The following ITFG1 variants were observed in gnomAD, a reference collection of about 807,000 sequenced individuals.
The protein encoded by ITFG1 is T-cell immunomodulatory protein.
Under a neutral mutation model 81.8 loss-of-function variants are expected in ITFG1, and 34 were observed. The ratio of observed to expected loss-of-function variants is 0.42; its 90% CI spans 0.32 to 0.55. The LOEUF (loss-of-function observed/expected upper bound fraction) is 0.55, where lower values mean the gene tolerates loss of function less well. Ranked by LOEUF, ITFG1 falls within the 20% of genes least tolerant of loss-of-function variation. The pLI is 0.17. For synonymous variants in ITFG1, 285 were observed against 270.6 expected, an observed-to-expected ratio of 1.05 and a Z score of -0.52; for missense variants, 672 against 755.4, an observed-to-expected ratio of 0.89 and a Z score of 1.29.
intron 14 of ITFG1, among the ~76,000 whole-genome samples, chr16:47,194,123 T>A (rs1176382601): frequency 6.6e-6 from 1 of 152,262 alleles, no homozygotes; most frequent in Non-Finnish European, 1.5e-5. Context: ...TTGACTTTGC[T>A]AATGCTACAT....
intron 6 of ITFG1, among the ~76,000 whole-genome samples, chr16:47,419,721 G>A (rs544425916): frequency 2.0e-5 from 3 of 146,686 alleles, no homozygotes; most frequent in African/African-American, 7.6e-5. Context: ...TCCTGCCTCA[G>A]CCTCCCAAGT....
At chr16:47,284,807 T>G (rs879468306) in intron 10 of ITFG1, among the ~76,000 whole-genome samples, 1 of 152,224 alleles carries the variant, frequency 6.6e-6, no homozygotes, top group Admixed American at 6.5e-5. Flanking sequence ...CAAAATGTCC[T>G]CAAATAAGTA....
intron 6 of ITFG1, among the ~76,000 whole-genome samples, chr16:47,416,130 T>TA (rs1374738100): frequency 6.6e-6 from 1 of 151,938 alleles, no homozygotes; most frequent in African/African-American, 2.4e-5. Context: ...AACACCTTTA[T>TA]ACTTGTTTAA....
chr16:47,277,060 T>C (rs981336200), intron 10 of ITFG1, among the ~76,000 whole-genome samples: 1 of 152,196 alleles, frequency 6.6e-6, no homozygotes, highest in African/African-American at 2.4e-5. Context: ...TAATTATCCC[T>C]ATTCTCTCCC....
chr16:47,220,591 T>C (rs1965679248), intron 13 of ITFG1, among the ~76,000 whole-genome samples: 1 of 152,222 alleles, frequency 6.6e-6, no homozygotes, highest in Admixed American at 6.5e-5. Flanking sequence ...GAAACTGTTC[T>C]GAGGCAATCA....
At chr16:47,274,035 C>G (rs1966371804) in intron 10 of ITFG1, among the ~76,000 whole-genome samples, 1 of 152,060 alleles carries the variant, frequency 6.6e-6, no homozygotes, top group African/African-American at 2.4e-5. Flanking sequence ...GGTAGGTGGA[C>G]TGCTTGAGGT....
chr16:47,403,860 C>G (rs970585241), intron 6 of ITFG1, among the ~76,000 whole-genome samples: 1 of 150,620 alleles, frequency 6.6e-6, no homozygotes, highest in African/African-American at 2.4e-5. Context: ...GTCAGGGGTC[C>G]CTAACCCCCA....
At chr16:47,160,610 T>C (rs1231825192) in intron 16 of ITFG1, among the ~76,000 whole-genome samples, 1 of 152,104 alleles carries the variant, frequency 6.6e-6, no homozygotes, top group Non-Finnish European at 1.5e-5. Context: ...ACCAGGACTA[T>C]AACTGTTTCA....
At chr16:47,232,972 A>G (rs1268760682) in intron 13 of ITFG1, among the ~76,000 whole-genome samples, 1 of 152,138 alleles carries the variant, frequency 6.6e-6, no homozygotes, top group East Asian at 1.9e-4. Flanking sequence ...TTATACTTTC[A>G]TAGATTTTGC....
Position 47,189,634 on chromosome 16 carries a change from G to A in ITFG1, c.1454-26970C>T, listed in dbSNP as rs768424788. ...GGCATTTCGTCTGTTTCCACTTTCT[G>A]GGGGATTATGAATAATGCTGCTATG... On this transcript the variant is annotated intron_variant, in intron 14 of 17. Transcript: ENST00000320640. 3.3e-5 allele frequency among the ~76,000 whole-genome samples: 5 copies of A among 152,104 alleles called. No individual in the cohort carries two copies. In the East Asian group the frequency reaches 9.6e-4, roughly 29 times the overall value.
intron 8 of ITFG1, among the ~76,000 whole-genome samples, chr16:47,321,906 A>C (rs1967454028): frequency 6.6e-6 from 1 of 152,216 alleles, no homozygotes; most frequent in African/African-American, 2.4e-5. Context: ...ACAAGTGCTA[A>C]TACAAATGGA....
intron 6 of ITFG1, among the ~76,000 whole-genome samples, chr16:47,421,145 G>A (rs1292967527): frequency 4.0e-5 from 6 of 151,862 alleles, no homozygotes; most frequent in Admixed American, 2.0e-4. Flanking sequence ...TGTTACAGGT[G>A]AAGTGAGTGT....
chr16:47,304,271 G>GAGGGAA (rs1046362055), intron 10 of ITFG1, among the ~76,000 whole-genome samples: 10 of 152,144 alleles, frequency 6.6e-5, no homozygotes, highest in African/African-American at 2.4e-4. Flanking sequence ...TTAAGCTTAA[G>GAGGGAA]AGGGAAAGGG....
chr16:47,240,239 T>C (rs912147170), intron 12 of ITFG1, among the ~76,000 whole-genome samples: 1 of 143,436 alleles, frequency 7.0e-6, no homozygotes, highest in Non-Finnish European at 1.5e-5. Flanking sequence ...GAGGCTGCAG[T>C]GATCTGAGAT....
rs749433940 is a variant in ITFG1, at chr16:47,428,784, C to CA, written c.655+19dup. 2.7e-6 allele frequency: 4 copies of CA among 1,493,668 alleles called. No homozygotes were observed. The South Asian group carries it at 4.6e-5, about 17-fold the overall frequency. 92.5% of individuals were successfully genotyped at this position (1,493,668 alleles called of 1,614,324 possible). A position where few individuals can be genotyped will look rare whatever the true frequency, so the allele number is the denominator to read the frequency against. On this transcript the variant is annotated intron_variant, in intron 6 of 17. Coordinates refer to ENST00000320640, the MANE Select transcript of ITFG1 (RefSeq NM_030790.5). ...CTTCTTTGGTAACTCAAAACAATTC[C>CA]AGATTTATGTGCAACTCACCTGCTG...
chr16:47,222,857 G>A (rs1378572382), intron 13 of ITFG1, among the ~76,000 whole-genome samples: 1 of 152,202 alleles, frequency 6.6e-6, no homozygotes, highest in East Asian at 1.9e-4. Flanking sequence ...GTGTGGTGTG[G>A]TGCTGAGAAA....
intron 10 of ITFG1, among the ~76,000 whole-genome samples, chr16:47,295,894 T>C (rs1320634051): frequency 1.3e-5 from 2 of 152,100 alleles, no homozygotes; most frequent in African/African-American, 2.4e-5. Context: ...TGATGTTAGT[T>C]TGTTAATTAC....
Position 47,218,914 on chromosome 16 carries a change from G to A in ITFG1, c.1407C>T (p.Ile469=). ...CATTTGCATCTACAGTTGTATACAT[G>A]ATATAAGGTCCAGGTTGATTCACTC... The part of the protein sequence containing the change: ...PFGVNQPGPY[I]MYTTVDANGY... Residue 469 remains isoleucine, a synonymous_variant, in exon 14 of 18, where the codon ATC becomes ATT. Transcript: ENST00000320640. 1 of 1,602,100 alleles carries A rather than the reference G, an allele frequency of 6.2e-7. No homozygotes were observed. The highest frequency in any genetic ancestry group is 1.1e-5 in the South Asian group (1 of 89,322).
chr16:47,288,836 C>CA (rs1364537690), intron 10 of ITFG1, among the ~76,000 whole-genome samples: 1 of 152,154 alleles, frequency 6.6e-6, no homozygotes, highest in Non-Finnish European at 1.5e-5. Context: ...GTGGAGGTTG[C>CA]AGCGAGTCGA....
Sources: allele counts gnomAD v4.1 joint callset (sites outside exome capture counted in the v4.1 genomes callset), GRCh38; gene constraint gnomAD v4.1.1; transcripts MANE v1.5; gene names NCBI Gene and HGNC (gene_info 2026-07-23, HGNC 2026-07-21).